The following GOLGA3 variants were observed in gnomAD, a reference collection of about 807,000 sequenced individuals.
The protein encoded by GOLGA3 is golgin A3, also known as golgin subfamily A member 3.
In GOLGA3, 75 loss-of-function variants were observed where a neutral mutation model predicts 169.4. The ratio of observed to expected loss-of-function variants is 0.44; its 90% CI spans 0.37 to 0.54. GOLGA3 has a LOEUF of 0.54. Ranked by LOEUF, GOLGA3 falls within the 20% of genes least tolerant of loss-of-function variation. The pLI is 0.00. For missense variants in GOLGA3, 1,899 were observed against 1,930.0 expected (o/e 0.98, Z 0.30); for synonymous variants, 824 against 822.4 (o/e 1.00, Z -0.03).
intron 15 of GOLGA3, among the ~76,000 whole-genome samples, chr12:132,784,806 C>T (rs2045812413): frequency 6.6e-6 from 1 of 151,782 alleles, no homozygotes; most frequent in African/African-American, 2.4e-5. Flanking sequence ...ACACCTCACA[C>T]TGCATGCACA....
chr12:132,813,379 C>T lies in GOLGA3; in HGVS notation c.447G>A (p.Gln149=), dbSNP rs772883623. Residue 149 remains glutamine (Q), a synonymous_variant, in exon 4 of 24, where the codon CAG becomes CAA. Coordinates refer to ENST00000450791, the MANE Select transcript of GOLGA3 (RefSeq NM_001389683.1). ...DSPLPLEKEE[Q]VRLQARKWLE... is the part of the protein sequence containing the mutation. ...GCCACTTCCGAGCCTGAAGTCGGAC[C>T]TGCTCCTCCTTCTCCAGGGGCAGGG... 1.9e-6 allele frequency: 3 copies of T among 1,613,302 alleles called. No individual in the cohort carries two copies. The highest frequency in any genetic ancestry group is 3.3e-5 in the Admixed American group (2 of 59,954).
At chr12:132,823,764 G>GAGA (rs1950308366) in intron 1 of GOLGA3, among the ~76,000 whole-genome samples, 1 of 150,956 alleles carries the variant, frequency 6.6e-6, no homozygotes, top group Non-Finnish European at 1.5e-5. Context: ...TCCAGCCTGG[G>GAGA]CAACAAGAGT....
rs772725008 is a variant in GOLGA3, at chr12:132,770,618, G to C, written c.*2487C>G. On this transcript the variant is annotated 3_prime_UTR_variant, in exon 24 of 24. Coordinates refer to ENST00000450791, the MANE Select transcript of GOLGA3 (RefSeq NM_001389683.1). ...CTCCCCACTGAATGTGTGATTTCTC[G>C]ATTTTAGATTTTTTAAAATCATTTA... 1 of 152,116 alleles carries C rather than the reference G, an allele frequency of 6.6e-6. No individual in the cohort carries two copies. Among genetic ancestry groups the C allele is most frequent in the Non-Finnish European group, 1.5e-5 (1 of 68,032 alleles). 9.4% of individuals were successfully genotyped at this position (152,116 alleles called of 1,614,324 possible).
chr12:132,817,114 T>C (rs951751126), intron 2 of GOLGA3, among the ~76,000 whole-genome samples: 1,379 of 64,968 alleles, frequency 0.021, 11 homozygotes, highest in African/African-American at 0.057. Context: ...TAACGTGAAC[T>C]CACCCTCCAC....
At chr12:132,793,734 A>G (rs932779494) in intron 11 of GOLGA3, among the ~76,000 whole-genome samples, 1 of 151,728 alleles carries the variant, frequency 6.6e-6, no homozygotes, top group Non-Finnish European at 1.5e-5. Flanking sequence ...ACCACACGGG[A>G]TCTGCACTCG....
chr12:132,802,115 A>C (rs1253540695), intron 7 of GOLGA3, 146 bp from the exon 8 acceptor site: 5 of 656,000 alleles, frequency 7.6e-6, no homozygotes, highest in Non-Finnish European at 1.3e-5. Flanking sequence ...GACTCCATGA[A>C]GTCGCCGTGA....
In GOLGA3 at chr12:132,804,724, T is replaced by A. The variant is rs775173509; in HGVS notation, c.1589A>T (p.Asp530Val). ...EDMQRSMLSK[D>V]NTVHDLRQQM... The stretch of plus-strand genomic sequence containing the variant: ...GCCAGGGCCAGCCTCACCTGTGTTG[T>A]CCTTGCTGAGCATGCTCCTCTGCAT... The change falls in exon 7 of 24, where the codon GAC (aspartate) becomes GTC (valine). Residue 530 changes from aspartate (D) to valine (V), a missense_variant. By Grantham distance (152) the Asp-to-Val change is radical (BLOSUM62 -3). Coordinates refer to ENST00000450791, the MANE Select transcript of GOLGA3 (RefSeq NM_001389683.1). The surrounding 1 kb of genome is among the most constrained non-coding windows in gnomAD (Gnocchi z 4.1). The A allele has an allele frequency of 5.0e-6, 8 of 1,612,424 alleles. No homozygotes were observed. Among genetic ancestry groups the A allele is most frequent in the Non-Finnish European group, 6.8e-6 (8 of 1,178,688 alleles).
chr12:132,800,338 A>T (rs759484101), intron 8 of GOLGA3, among the ~76,000 whole-genome samples: 2 of 152,138 alleles, frequency 1.3e-5, no homozygotes, highest in Non-Finnish European at 2.9e-5. Flanking sequence ...TCCTAAAAAT[A>T]CAAAAATTAG....
In GOLGA3 at chr12:132,808,551, TGAG is replaced by T. The variant is rs753481758; in HGVS notation, c.520-5_520-3del. The T allele has an allele frequency of 2.6e-6, 4 of 1,567,658 alleles. No homozygotes were observed. The East Asian group carries it at 6.8e-5, about 27-fold the overall frequency. ...CGTTTTGGTTGCAGGTTGACTGGAC[TGAG>T]AAGAAAACAAAAGTACAAAAATTAC... On this transcript the variant is annotated splice_region_variant and splice_polypyrimidine_tract_variant and intron_variant, in intron 4 of 23. Transcript: ENST00000450791.
intron 2 of GOLGA3, 129 bp from the exon 3 acceptor site, chr12:132,816,941 A>C: frequency 2.3e-6 from 2 of 885,162 alleles, no homozygotes; most frequent in Non-Finnish European, 3.4e-6. Context: ...CATCCCACAA[A>C]GGCTTCACTC....
chr12:132,789,325 C>A, intron 12 of GOLGA3, 35 bp from the exon 13 acceptor site: 2 of 1,531,150 alleles, frequency 1.3e-6, no homozygotes, highest in South Asian at 1.2e-5. Flanking sequence ...GGACGCTGGG[C>A]GGCGGGGCGT....
At chr12:132,807,089 A>G in intron 6 of GOLGA3, 88 bp downstream of exon 6, 1 of 735,844 alleles carries the variant, frequency 1.4e-6, no homozygotes, top group East Asian at 2.8e-5. Flanking sequence ...ATTCCCAACC[A>G]CATCTGTGAA....
intron 4 of GOLGA3, among the ~76,000 whole-genome samples, chr12:132,812,027 T>TA (rs983732833): frequency 2.8e-4 from 34 of 121,152 alleles, no homozygotes; most frequent in Middle Eastern, 4.1e-3. Context: ...AAAAAAACAT[T>TA]AAAAAAAAAA....
At chr12:132,810,412 T>C (rs1163831766) in intron 4 of GOLGA3, among the ~76,000 whole-genome samples, 1 of 152,138 alleles carries the variant, frequency 6.6e-6, no homozygotes, top group African/African-American at 2.4e-5. Context: ...TCCAGTATAA[T>C]AAAGTATATA....
chr12:132,777,557 C>T lies in GOLGA3; in HGVS notation c.3722+109G>A, dbSNP rs1285322950. 20 of 1,251,390 alleles carry T rather than the reference C, an allele frequency of 1.6e-5. No homozygotes were observed. The highest frequency in any genetic ancestry group is 8.9e-5 in the African/African-American group (6 of 67,250). The allele number at this position is 1,251,390 out of a possible 1,614,324, so 77.5% of individuals were successfully genotyped here. ...TACTCCTATGATTCACTCAAGTACT[C>T]GGCAATTTGCAAAATATAGATGACC... On this transcript the variant is annotated intron_variant, in intron 19 of 23. Coordinates refer to ENST00000450791, the MANE Select transcript of GOLGA3 (RefSeq NM_001389683.1). This position sits in a 1 kb window ranked among gnomAD's most constrained non-coding sequence, Gnocchi z 4.7.
At chr12:132,825,848 G>A in intron 1 of GOLGA3, 1 of 988,864 alleles carries the variant, frequency 1.0e-6, no homozygotes, top group Non-Finnish European at 1.6e-6. Flanking sequence ...ACCCAAAGAG[G>A]CTACTGAGGG....
At chr12:132,816,365 ACTCT>A (rs1377622883) in intron 3 of GOLGA3, among the ~76,000 whole-genome samples, 171 bp downstream of exon 3, 6 of 152,000 alleles carry the variant, frequency 3.9e-5, no homozygotes, top group African/African-American at 1.5e-4. Flanking sequence ...CTGCATCTTC[ACTCT>A]CTAACTTGAA....
chr12:132,802,025 C>T, intron 7 of GOLGA3, 56 bp from the exon 8 acceptor site: 1 of 1,365,968 alleles, frequency 7.3e-7, no homozygotes, highest in Non-Finnish European at 1.0e-6. Flanking sequence ...GGGGAGTCCG[C>T]AGCTCCGCGC....
Position 132,786,735 on chromosome 12 carries a change from G to A in GOLGA3, c.2864C>T (p.Ala955Val), listed in dbSNP as rs751063534. The change falls in exon 14 of 24, where the codon GCG becomes GTG. Residue 955 changes from alanine (A) to valine (V), a missense_variant. Physicochemically the swap from Ala to Val is moderately conservative, Grantham distance 64. Coordinates refer to ENST00000450791, the MANE Select transcript of GOLGA3 (RefSeq NM_001389683.1). ...QMVAVTEANE[A>V]LKKQIEELQQ... Reference sequence around the variant, plus strand: ...CAACTCTTCGATTTGTTTCTTCAGCGCCTCATTGGCCTCTGTGACCGCGAC... The same window carrying A: ...CAACTCTTCGATTTGTTTCTTCAGCACCTCATTGGCCTCTGTGACCGCGAC... 7.1e-5 allele frequency: 115 copies of A among 1,611,364 alleles called. No homozygotes were observed. Among genetic ancestry groups the A allele is most frequent in the Middle Eastern group, 3.3e-4 (2 of 6,082 alleles).
Sources: gnomAD v4.1 joint callset for allele counts (sites outside exome capture counted in the v4.1 genomes callset) on GRCh38, gnomAD v4.1.1 for gene constraint, Gnocchi (gnomAD v3.1) non-coding constraint, MANE v1.5 for transcripts, NCBI Gene and HGNC (gene_info 2026-07-23, HGNC 2026-07-21) for gene names.